Variants in MICAL3 observed in about 807,000 individuals in gnomAD.
MICAL3 encodes microtubule associated monooxygenase, calponin and LIM domain containing 3, also known as [F-actin]-monooxygenase MICAL3.
In MICAL3, 62 loss-of-function variants were observed where a neutral mutation model predicts 207.4. That is an observed-to-expected ratio of 0.30 (90% CI 0.24 to 0.37). The LOEUF (loss-of-function observed/expected upper bound fraction) is 0.37, where lower values mean the gene tolerates loss of function less well. MICAL3 is among the 10% of genes least tolerant of loss of function. The pLI is 1.00. For missense variants in MICAL3, 2,368 were observed against 2,635.6 expected, an observed-to-expected ratio of 0.90 and a Z score of 2.22; for synonymous variants, 1,077 against 1,069.3, an observed-to-expected ratio of 1.01 and a Z score of -0.14.
chr22:17,824,804 G>A (rs2146026270), intron 22 of MICAL3, among the ~76,000 whole-genome samples: 1 of 152,312 alleles, frequency 6.6e-6, no homozygotes, highest in Admixed American at 6.5e-5. Context: ...ACCTCGGTGT[G>A]AGAACACTGC....
chr22:17,849,682 G>A (rs1443563827), intron 19 of MICAL3, among the ~76,000 whole-genome samples: 31 of 114,570 alleles, frequency 2.7e-4, no homozygotes, highest in African/African-American at 3.9e-4. Context: ...GTGTGTGTGT[G>A]TGTGTATTTT....
intron 1 of MICAL3, among the ~76,000 whole-genome samples, chr22:17,985,508 T>C (rs1261620605): frequency 6.6e-6 from 1 of 152,166 alleles, no homozygotes; most frequent in African/African-American, 2.4e-5. Flanking sequence ...CTGACACCTC[T>C]GTCACTGGTC....
chr22:17,893,216 C>T (rs908503043), intron 11 of MICAL3, among the ~76,000 whole-genome samples: 2 of 152,188 alleles, frequency 1.3e-5, no homozygotes, highest in Non-Finnish European at 2.9e-5. Context: ...GCCTCCACCA[C>T]CTTCAGCCTG....
rs1569063466 is a variant in MICAL3, at chr22:17,789,146, A to G, written c.*1586T>C. 6.6e-6 allele frequency: 1 copy of G among 152,082 alleles called. No homozygotes were observed. The highest frequency in any genetic ancestry group is 6.5e-5 in the Admixed American group (1 of 15,272). 9.4% of individuals were successfully genotyped at this position (152,082 alleles called of 1,614,324 possible). A position where few individuals can be genotyped will look rare whatever the true frequency, so the allele number is the denominator to read the frequency against. On this transcript the variant is annotated 3_prime_UTR_variant, in exon 32 of 32. Coordinates refer to ENST00000441493, the MANE Select transcript of MICAL3 (RefSeq NM_015241.3). The stretch of plus-strand genomic sequence containing the variant: ...TTCGGGGCTCGCCCTTTATGTCCCC[A>G]TGAAGATCCGGCACAAGGCAGGTGC...
At chr22:17,881,405 AG>A in intron 16 of MICAL3, 1 of 937,864 alleles carries the variant, frequency 1.1e-6, no homozygotes, top group South Asian at 1.6e-5. Context: ...GAAGCACCCC[AG>A]GGAGGCCTTT....
chr22:17,988,036 A>C (rs1921228225), intron 1 of MICAL3, among the ~76,000 whole-genome samples: 1 of 152,176 alleles, frequency 6.6e-6, no homozygotes, highest in Non-Finnish European at 1.5e-5. Flanking sequence ...AGAACACCCG[A>C]AGCCAAGGCA....
chr22:17,959,585 GA>G (rs1934801181), intron 1 of MICAL3, among the ~76,000 whole-genome samples: 1 of 152,220 alleles, frequency 6.6e-6, no homozygotes, highest in Non-Finnish European at 1.5e-5. Context: ...AAAGTGCTGG[GA>G]TTACAGGCAT....
Position 17,822,977 on chromosome 22 carries a change from G to C in MICAL3, c.3277C>G (p.Pro1093Ala). 4.3e-6 allele frequency: 7 copies of C among 1,613,440 alleles called. No homozygotes were observed. Among genetic ancestry groups the C allele is most frequent in the Non-Finnish European group, 5.9e-6 (7 of 1,179,540 alleles). Residue 1093 changes from proline to alanine, a missense_variant, in exon 23 of 32, where the codon CCA becomes GCA. Transcript: ENST00000441493. ...IEGEAAEDGD[P>A]GDTGAELDDD... The stretch of plus-strand genomic sequence containing the variant: ...TCCAGCTCAGCACCAGTGTCCCCTG[G>C]GTCCCCATCCTCTGCTGCCTCCCCT...
chr22:17,804,135 G>C (rs558628721), intron 29 of MICAL3, among the ~76,000 whole-genome samples: 77 of 152,290 alleles, frequency 5.1e-4, no homozygotes, highest in Admixed American at 1.6e-3. Context: ...CTATCAACAT[G>C]ATCCCACGTA....
chr22:18,015,334 C>T (rs757165732), intron 1 of MICAL3, among the ~76,000 whole-genome samples: 37 of 151,394 alleles, frequency 2.4e-4, no homozygotes, highest in African/African-American at 7.3e-4. Flanking sequence ...CTTCCAATCT[C>T]GAAGGTTTTA....
chr22:17,935,947 G>C (rs1933497535), intron 1 of MICAL3, among the ~76,000 whole-genome samples: 1 of 152,194 alleles, frequency 6.6e-6, no homozygotes, highest in Admixed American at 6.5e-5. Context: ...AGAGGATGTG[G>C]AGAAATAGGA....
chr22:17,939,528 A>C (rs573893473), intron 1 of MICAL3, among the ~76,000 whole-genome samples: 11 of 152,342 alleles, frequency 7.2e-5, no homozygotes, highest in African/African-American at 2.2e-4. Context: ...CAGGGCGGGA[A>C]GCCTGGGAGA....
intron 10 of MICAL3, 107 bp downstream of exon 10, chr22:17,895,176 AG>A: frequency 8.6e-7 from 1 of 1,164,442 alleles, no homozygotes; most frequent in Non-Finnish European, 1.2e-6. Context: ...TGACTAAAAA[AG>A]TATCCTTGTA....
intron 17 of MICAL3, among the ~76,000 whole-genome samples, chr22:17,871,529 T>A (rs1722420935): frequency 1.3e-5 from 2 of 152,214 alleles, no homozygotes; most frequent in South Asian, 4.1e-4. Flanking sequence ...AACCTTATTT[T>A]TATTGTGTTC....
intron 18 of MICAL3, among the ~76,000 whole-genome samples, chr22:17,865,374 G>C (rs1363499000): frequency 4.6e-5 from 7 of 152,156 alleles, no homozygotes; most frequent in Non-Finnish European, 5.9e-5. Context: ...GAGACTGCTG[G>C]GTTCACCGCG....
chr22:17,807,525 A>G (rs1459833319), intron 29 of MICAL3, among the ~76,000 whole-genome samples: 1 of 152,220 alleles, frequency 6.6e-6, no homozygotes, highest in Non-Finnish European at 1.5e-5. Context: ...GCATCAGGTG[A>G]GCCCAAACCA....
chr22:17,969,335 G>A (rs115603908), intron 1 of MICAL3, among the ~76,000 whole-genome samples: 2,010 of 152,248 alleles, frequency 0.013, 37 homozygotes, highest in African/African-American at 0.045. Context: ...CACTGCACCC[G>A]GCCAAATGAG....
intron 1 of MICAL3, chr22:17,980,867 G>T: frequency 1.9e-6 from 1 of 529,242 alleles, no homozygotes. Flanking sequence ...CTGCTCAACT[G>T]CACCCTCACT....
At chr22:17,829,815 G>A (rs1197620146) in intron 21 of MICAL3, among the ~76,000 whole-genome samples, 2 of 152,162 alleles carry the variant, frequency 1.3e-5, no homozygotes, top group South Asian at 2.1e-4. Context: ...AGATGGGGCC[G>A]CATTCCATGA....
Sources: gnomAD v4.1 joint callset for allele counts (sites outside exome capture counted in the v4.1 genomes callset) on GRCh38, gnomAD v4.1.1 for gene constraint, MANE v1.5 for transcripts, NCBI Gene and HGNC (gene_info 2026-07-23, HGNC 2026-07-21) for gene names.